Variants in RPSA2 observed in about 807,000 individuals in gnomAD.
RPSA2 encodes small ribosomal subunit protein uS2B.
At chr19:23,840,360 A>T in the RPSA2 span, among the ~76,000 whole-genome samples, 1 of 152,154 alleles carries the variant, frequency 6.6e-6, no homozygotes, top group African/African-American at 2.4e-5. Context: ...CCTTGAATTT[A>T]TACCGTGAAA....
chr19:23,832,793 A>G, the RPSA2 span: 14 of 1,575,516 alleles, frequency 8.9e-6, no homozygotes, highest in Middle Eastern at 6.8e-4. Flanking sequence ...CATACTGGAG[A>G]GAAACCCTAC....
the RPSA2 span, among the ~76,000 whole-genome samples, chr19:23,796,030 G>T: frequency 6.6e-6 from 1 of 152,184 alleles, no homozygotes; most frequent in Non-Finnish European, 1.5e-5. Context: ...CTCCCAAAGT[G>T]CTGGAATTAC....
At chr19:23,761,042 G>GTA in the RPSA2 span, among the ~76,000 whole-genome samples, 120,651 of 148,716 alleles carry the variant, frequency 0.81, 49,503 homozygotes, top group African/African-American at 0.88. Context: ...TATATATAGG[G>GTA]TATATATGTG....
chr19:23,785,148 G>A, the RPSA2 span, among the ~76,000 whole-genome samples: 17,839 of 152,112 alleles, frequency 0.12, 1,107 homozygotes, highest in East Asian at 0.22. Flanking sequence ...TTCCAGCCTT[G>A]GTGTTGCCCT....
chr19:23,853,671 G>T, the RPSA2 span, among the ~76,000 whole-genome samples: 2 of 152,176 alleles, frequency 1.3e-5, no homozygotes, highest in Admixed American at 6.5e-5. Context: ...TTCATTATAT[G>T]TTGGGTGGGA....
chr19:23,823,409 G>C, the RPSA2 span, among the ~76,000 whole-genome samples: 3 of 152,070 alleles, frequency 2.0e-5, no homozygotes, highest in African/African-American at 7.2e-5. Flanking sequence ...AGCCGTATGT[G>C]GATTGCCACT....
At chr19:23,841,246 C>T in the RPSA2 span, among the ~76,000 whole-genome samples, 218 of 152,086 alleles carry the variant, frequency 1.4e-3, no homozygotes, top group African/African-American at 5.1e-3. Context: ...AGGCAGATCA[C>T]GAGGTCAGGA....
the RPSA2 span, among the ~76,000 whole-genome samples, chr19:23,811,911 A>T: frequency 2.6e-5 from 4 of 152,170 alleles, no homozygotes; most frequent in Admixed American, 2.6e-4. Context: ...TTAAAAGCTT[A>T]TCCATTAAAG....
At chr19:23,808,873 C>A in the RPSA2 span, 1 of 461,278 alleles carries the variant, frequency 2.2e-6, no homozygotes, top group Non-Finnish European at 3.8e-6. Flanking sequence ...AAGAAGAAAG[C>A]AAGTCTTTAA....
At chr19:23,788,834 T>A in the RPSA2 span, among the ~76,000 whole-genome samples, 1 of 152,132 alleles carries the variant, frequency 6.6e-6, no homozygotes, top group Non-Finnish European at 1.5e-5. Flanking sequence ...CTATGAAATA[T>A]GACTGTCCTC....
chr19:23,830,991 T>C, the RPSA2 span, among the ~76,000 whole-genome samples: 1 of 152,206 alleles, frequency 6.6e-6, no homozygotes, highest in African/African-American at 2.4e-5. Flanking sequence ...CTGTCTGAAA[T>C]TTTGTGTTTA....
chr19:23,768,866 G>C, the RPSA2 span, among the ~76,000 whole-genome samples: 1 of 151,706 alleles, frequency 6.6e-6, no homozygotes. Flanking sequence ...GGGATTACAG[G>C]TGTGAGCCAT....
At chr19:23,815,567 A>G in the RPSA2 span, among the ~76,000 whole-genome samples, 1 of 152,206 alleles carries the variant, frequency 6.6e-6, no homozygotes, top group Non-Finnish European at 1.5e-5. Context: ...AGATGCTGGC[A>G]CACACTTTTT....
At chr19:23,767,682 A>T in the RPSA2 span, among the ~76,000 whole-genome samples, 1 of 151,712 alleles carries the variant, frequency 6.6e-6, no homozygotes, top group African/African-American at 2.4e-5. Context: ...GTGGAGTCAG[A>T]CATGTTTGTG....
the RPSA2 span, among the ~76,000 whole-genome samples, chr19:23,856,613 C>T: frequency 6.6e-6 from 1 of 152,172 alleles, no homozygotes; most frequent in Non-Finnish European, 1.5e-5. Flanking sequence ...ACCATGTTGG[C>T]ATGCCAGATA....
the RPSA2 span, among the ~76,000 whole-genome samples, chr19:23,839,998 C>T: frequency 6.6e-6 from 1 of 152,176 alleles, no homozygotes; most frequent in Non-Finnish European, 1.5e-5. Context: ...CAGTCTGCTT[C>T]CTTCAGAGGG....
chr19:23,811,986 A>G, the RPSA2 span, among the ~76,000 whole-genome samples: 1 of 152,290 alleles, frequency 6.6e-6, no homozygotes, highest in East Asian at 1.9e-4. Context: ...ATTGCCATAC[A>G]ATAGATATCA....
At chr19:23,830,375 C>G in the RPSA2 span, among the ~76,000 whole-genome samples, 11 of 152,134 alleles carry the variant, frequency 7.2e-5, no homozygotes, top group Non-Finnish European at 1.5e-4. Context: ...GAACTCCTGA[C>G]CTCAGGTGAT....
At chr19:23,866,507 T>A in the RPSA2 span, among the ~76,000 whole-genome samples, 1 of 139,786 alleles carries the variant, frequency 7.2e-6, no homozygotes. Context: ...GATCTTACAA[T>A]GTGGTGCCCC....
Sources: gnomAD v4.1 joint callset for allele counts (sites outside exome capture counted in the v4.1 genomes callset) on GRCh38, gnomAD v4.1.1 for gene constraint, MANE v1.5 for transcripts, NCBI Gene and HGNC (gene_info 2026-07-23, HGNC 2026-07-21) for gene names.